NPAS3: variants seen among roughly 807,000 people sequenced by gnomAD.
NPAS3 encodes neuronal PAS domain-containing protein 3.
Under a neutral mutation model 73.1 loss-of-function variants are expected in NPAS3, and 14 were observed. That is an observed-to-expected ratio of 0.19 (90% CI 0.13 to 0.30). The LOEUF is 0.30. Among genes scored for constraint, NPAS3 ranks in the 10% least tolerant of loss-of-function variants. NPAS3 has a pLI of 1.00. For missense variants in NPAS3, 1,096 were observed against 1,250.0 expected, an observed-to-expected ratio of 0.88 and a Z score of 1.86; for synonymous variants, 620 against 541.5, an observed-to-expected ratio of 1.14 and a Z score of -2.01.
chr14:33,525,082 C>T (rs754324354), intron 4 of NPAS3, among the ~76,000 whole-genome samples: 1 of 152,074 alleles, frequency 6.6e-6, no homozygotes, highest in African/African-American at 2.4e-5. Context: ...TGACTAATCT[C>T]AAGGCATAGT....
In NPAS3 at chr14:33,642,290, T is replaced by C. The variant is rs571753052; in HGVS notation, c.559-33921T>C. Among the ~76,000 whole-genome samples the C allele has an allele frequency of 4.1e-4, 63 of 152,158 alleles. 1 individual carries two copies. Among genetic ancestry groups the C allele is most frequent in the Non-Finnish European group, 7.6e-4 (52 of 68,038 alleles). Reference sequence around the variant, plus strand: ...CATTCCCCACCATCCCCCAGATTAATATTAAACTGTTAAAAGAAAATGAGA... The same window carrying C: ...CATTCCCCACCATCCCCCAGATTAACATTAAACTGTTAAAAGAAAATGAGA... On this transcript the variant is annotated intron_variant, in intron 5 of 11. Transcript: ENST00000356141.
At chr14:33,305,784 A>G (rs1418263599) in intron 3 of NPAS3, among the ~76,000 whole-genome samples, 1 of 152,188 alleles carries the variant, frequency 6.6e-6, no homozygotes, top group Non-Finnish European at 1.5e-5. Context: ...TATTATTGTG[A>G]CACACAGAAA....
chr14:33,700,298 G>A (rs1206675886), intron 6 of NPAS3, among the ~76,000 whole-genome samples: 1 of 152,114 alleles, frequency 6.6e-6, no homozygotes, highest in African/African-American at 2.4e-5. Flanking sequence ...ACGATGACAG[G>A]GCAAACTGCA....
intron 1 of NPAS3, among the ~76,000 whole-genome samples, chr14:33,043,820 TA>T (rs76401360): frequency 1.2e-3 from 164 of 142,088 alleles, no homozygotes; most frequent in South Asian, 1.1e-3. Context: ...TGATGGAAGT[TA>T]AAAAAAAAAA....
intron 4 of NPAS3, among the ~76,000 whole-genome samples, chr14:33,548,082 C>T (rs944116954): frequency 5.9e-5 from 9 of 152,192 alleles, no homozygotes; most frequent in Non-Finnish European, 1.0e-4. Context: ...GGAAATTAAT[C>T]AGTATCTTTA....
chr14:33,332,039 A>G (rs1054031546), intron 3 of NPAS3, among the ~76,000 whole-genome samples: 1 of 152,162 alleles, frequency 6.6e-6, no homozygotes, highest in Admixed American at 6.5e-5. Context: ...TTTTTAGCCT[A>G]CGTTTTTTAG....
At chr14:33,588,180 T>C (rs140141913) in intron 5 of NPAS3, among the ~76,000 whole-genome samples, 2,280 of 152,334 alleles carry the variant, frequency 0.015, 66 homozygotes, top group African/African-American at 0.052. Context: ...AGATGCACTT[T>C]GCAAATTAGA....
intron 1 of NPAS3, among the ~76,000 whole-genome samples, chr14:33,044,615 T>G (rs1477843199): frequency 1.3e-5 from 2 of 152,100 alleles, no homozygotes; most frequent in Non-Finnish European, 2.9e-5. Context: ...TAGGATATGA[T>G]GAATTTCTGC....
At chr14:33,301,423 A>G (rs1485567751) in intron 3 of NPAS3, among the ~76,000 whole-genome samples, 2 of 150,388 alleles carry the variant, frequency 1.3e-5, no homozygotes, top group African/African-American at 4.9e-5. Flanking sequence ...AAAAGAAGAA[A>G]AAGTTACTTG....
chr14:32,966,776 C>CAAAAAAA (rs61620104), intron 1 of NPAS3, among the ~76,000 whole-genome samples: 2 of 45,154 alleles, frequency 4.4e-5, no homozygotes, highest in Non-Finnish European at 4.1e-5. Flanking sequence ...GACTCCGTCT[C>CAAAAAAA]AAAAAAAAAA....
intron 3 of NPAS3, among the ~76,000 whole-genome samples, chr14:33,297,598 A>T (rs1338129770): frequency 6.6e-6 from 1 of 152,226 alleles, no homozygotes; most frequent in African/African-American, 2.4e-5. Flanking sequence ...GGCAAATATA[A>T]AATAAAAAAT....
At chr14:33,315,769 G>A (rs2043186961) in intron 3 of NPAS3, among the ~76,000 whole-genome samples, 1 of 151,928 alleles carries the variant, frequency 6.6e-6, no homozygotes, top group Non-Finnish European at 1.5e-5. Flanking sequence ...AGGTAGGCTG[G>A]GGTGAGGAGT....
At chr14:33,144,483 A>G (rs2044169086) in intron 2 of NPAS3, among the ~76,000 whole-genome samples, 1 of 152,230 alleles carries the variant, frequency 6.6e-6, no homozygotes, top group Non-Finnish European at 1.5e-5. Flanking sequence ...GTCCTTGCAT[A>G]CTGCAGCATC....
At chr14:33,681,180 A>T (rs2059927006) in intron 6 of NPAS3, 1 of 152,290 alleles carries the variant, frequency 6.6e-6, no homozygotes, top group African/African-American at 2.4e-5. Flanking sequence ...ACCATAAAGA[A>T]CGTAAAAATT....
chr14:33,255,702 A>C (rs2139922005), intron 3 of NPAS3, among the ~76,000 whole-genome samples: 1 of 152,322 alleles, frequency 6.6e-6, no homozygotes, highest in South Asian at 2.1e-4. Flanking sequence ...AAGATGGTAT[A>C]GCCTTAGTCT....
In NPAS3 at chr14:33,204,216, C is replaced by T. The variant is rs1469070646; in HGVS notation, c.141-10966C>T. ...ATTTCCTATGTTGTCTCACTTTAAA[C>T]GTTTCTGTGTGAAATATCATGACCC... On this transcript the variant is annotated intron_variant, in intron 2 of 11. Coordinates refer to ENST00000356141, the Ensembl canonical transcript of NPAS3. Among the ~76,000 whole-genome samples, 7 of 152,242 alleles carry T rather than the reference C, an allele frequency of 4.6e-5. No individual in the cohort carries two copies. In the South Asian group the frequency reaches 1.0e-3, roughly 23 times the overall value.
intron 1 of NPAS3, among the ~76,000 whole-genome samples, chr14:32,975,314 G>GTCAC (rs2037616728): frequency 3.0e-5 from 4 of 135,352 alleles, no homozygotes; most frequent in Admixed American, 2.9e-4. Flanking sequence ...CCCTGCCTCC[G>GTCAC]TCACTCCCTG....
intron 3 of NPAS3, among the ~76,000 whole-genome samples, chr14:33,235,351 G>A (rs1379889559): frequency 6.6e-6 from 1 of 151,984 alleles, no homozygotes; most frequent in Non-Finnish European, 1.5e-5. Flanking sequence ...TGAAATAATG[G>A]TTGATCTCTT....
chr14:33,572,801 G>T (rs760375235), intron 5 of NPAS3, among the ~76,000 whole-genome samples: 1 of 152,006 alleles, frequency 6.6e-6, no homozygotes, highest in Non-Finnish European at 1.5e-5. Flanking sequence ...GAGGTGGGCG[G>T]ATCATGAGGT....
Sources: allele counts gnomAD v4.1 joint callset (sites outside exome capture counted in the v4.1 genomes callset), GRCh38; gene constraint gnomAD v4.1.1; transcripts MANE v1.5; gene names NCBI Gene and HGNC (gene_info 2026-07-23, HGNC 2026-07-21).